LARP4: variants seen among roughly 807,000 people sequenced by gnomAD.
The protein encoded by LARP4 is la-related protein 4.
A neutral mutation model predicts 92.9 loss-of-function variants in LARP4; 29 were observed. The ratio of observed to expected loss-of-function variants is 0.31; its 90% CI spans 0.23 to 0.43. The LOEUF (loss-of-function observed/expected upper bound fraction) is 0.43, where lower values mean the gene tolerates loss of function less well. Ranked by LOEUF, LARP4 falls within the 20% of genes least tolerant of loss-of-function variation. LARP4 has a pLI of 1.00. For synonymous variants in LARP4, 279 were observed against 284.1 expected, an observed-to-expected ratio of 0.98 and a Z score of 0.18; for missense variants, 732 against 860.0, an observed-to-expected ratio of 0.85 and a Z score of 1.86.
intron 1 of LARP4, chr12:50,420,843 A>G (rs2136755585): frequency 6.6e-6 from 1 of 152,290 alleles, no homozygotes; most frequent in South Asian, 2.1e-4. Flanking sequence ...ATGAACAAAG[A>G]AAATGGTCAA....
intron 8 of LARP4, among the ~76,000 whole-genome samples, chr12:50,446,025 C>T (rs1288370909): frequency 6.4e-5 from 8 of 124,434 alleles, no homozygotes; most frequent in Non-Finnish European, 1.3e-4. Flanking sequence ...TTTTTTGAGA[C>T]GGAGTCTCGC....
At chr12:50,432,355 G>A (rs186535520) in intron 4 of LARP4, among the ~76,000 whole-genome samples, 14 of 152,276 alleles carry the variant, frequency 9.2e-5, no homozygotes, top group South Asian at 4.1e-4. Context: ...ATCAGGAACT[G>A]AGCTAGGTCA....
At chr12:50,474,207 T>A (rs768501850) in intron 15 of LARP4, 40 bp downstream of exon 15, 7 of 1,473,732 alleles carry the variant, frequency 4.7e-6, no homozygotes, top group South Asian at 2.5e-5. Context: ...AAAAATACAA[T>A]AGATTAGATT....
intron 1 of LARP4, among the ~76,000 whole-genome samples, chr12:50,408,567 G>C (rs890917556): frequency 1.3e-5 from 2 of 152,038 alleles, no homozygotes; most frequent in Non-Finnish European, 2.9e-5. Context: ...AGTAATGCAG[G>C]GTTTGTGTAA....
At position 50,478,906 on chromosome 12, in the gene LARP4, T is replaced by C. The variant is rs1455129372; in HGVS notation, c.*3042T>C. 1 of 152,198 alleles carries C rather than the reference T, an allele frequency of 6.6e-6. No individual in the cohort carries two copies. Among genetic ancestry groups the C allele is most frequent in the East Asian group, 1.9e-4 (1 of 5,206 alleles). 9.4% of individuals were successfully genotyped at this position (152,198 alleles called of 1,614,324 possible). A position where few individuals can be genotyped will look rare whatever the true frequency, so the allele number is the denominator to read the frequency against. On this transcript the variant is annotated 3_prime_UTR_variant, in exon 16 of 16. Transcript: ENST00000398473. Reference sequence around the variant, plus strand: ...TGATAAAGGTTTGTTGTAGTTGTCTTATGTGCTGAATTTGCAGATGATCAG... The same window carrying C: ...TGATAAAGGTTTGTTGTAGTTGTCTCATGTGCTGAATTTGCAGATGATCAG...
chr12:50,432,670 A>G (rs1949827779), intron 4 of LARP4, among the ~76,000 whole-genome samples: 1 of 151,732 alleles, frequency 6.6e-6, no homozygotes, highest in Non-Finnish European at 1.5e-5. Flanking sequence ...TATTAGCCTG[A>G]CCAACATGGT....
chr12:50,453,381 A>G, intron 8 of LARP4, 79 bp from the exon 9 acceptor site: 1 of 822,394 alleles, frequency 1.2e-6, no homozygotes, highest in Non-Finnish European at 2.0e-6. Context: ...CATGTAAAAT[A>G]TATGTTAAAA....
At chr12:50,468,772 T>G (rs375004043) in intron 13 of LARP4, among the ~76,000 whole-genome samples, 2 of 152,298 alleles carry the variant, frequency 1.3e-5, no homozygotes, top group African/African-American at 4.8e-5. Flanking sequence ...AAGGCATCCA[T>G]TATTTTCATA....
At chr12:50,426,457 G>A (rs1441339658) in intron 1 of LARP4, among the ~76,000 whole-genome samples, 1 of 152,148 alleles carries the variant, frequency 6.6e-6, no homozygotes, top group Non-Finnish European at 1.5e-5. Context: ...AGGCAGAGTG[G>A]TGGGAGAGTA....
At chr12:50,422,239 A>T (rs1269281926) in intron 1 of LARP4, among the ~76,000 whole-genome samples, 1 of 152,180 alleles carries the variant, frequency 6.6e-6, no homozygotes, top group Non-Finnish European at 1.5e-5. Flanking sequence ...TGCTGGGATT[A>T]CAGGCTTGAG....
chr12:50,437,033 C>T (rs1252551618), intron 5 of LARP4, among the ~76,000 whole-genome samples: 4 of 152,174 alleles, frequency 2.6e-5, no homozygotes, highest in Admixed American at 1.3e-4. Flanking sequence ...CAGAATCTCC[C>T]ACCTGTTTAG....
At chr12:50,442,778 C>T (rs1362071574) in intron 8 of LARP4, among the ~76,000 whole-genome samples, 1 of 152,166 alleles carries the variant, frequency 6.6e-6, no homozygotes, top group Non-Finnish European at 1.5e-5. Flanking sequence ...GGGTAACCTA[C>T]CTAGTTTCAC....
At chr12:50,426,725 GTGTGTGGTTTTTTTT>G (rs1948819438) in intron 1 of LARP4, among the ~76,000 whole-genome samples, 8 of 115,456 alleles carry the variant, frequency 6.9e-5, no homozygotes, top group African/African-American at 3.9e-4. Context: ...GTGTGTGTGT[GTGTGTGGTTTTTTTT>G]TTTTTTTTTT....
At chr12:50,461,372 C>A in intron 11 of LARP4, 25 bp downstream of exon 11, 3 of 1,586,280 alleles carry the variant, frequency 1.9e-6, no homozygotes, top group Non-Finnish European at 2.6e-6. Flanking sequence ...TACCTGAAAA[C>A]CTTTGATAAT....
rs1324837285 is a variant in LARP4 at position 50,479,162 on chromosome 12, A to C, written c.*3298A>C. The C allele has an allele frequency of 6.6e-6, 1 of 152,618 alleles. No individual in the cohort carries two copies. The highest frequency in any genetic ancestry group is 1.5e-5 in the Non-Finnish European group (1 of 68,022). The allele number at this position is 152,618 out of a possible 1,614,324, so 9.5% of individuals were successfully genotyped here. A position where few individuals can be genotyped will look rare whatever the true frequency, so the allele number is the denominator to read the frequency against. On this transcript the variant is annotated 3_prime_UTR_variant, in exon 16 of 16. Transcript: ENST00000398473. Reference sequence around the variant, plus strand: ...TCTAGTTTTCTTAGTTATGGCCTTAATAATTAGTCTCTTGGCTTAAATGTC... The same window carrying C: ...TCTAGTTTTCTTAGTTATGGCCTTACTAATTAGTCTCTTGGCTTAAATGTC...
chr12:50,466,303 G>A (rs921314566), intron 12 of LARP4, among the ~76,000 whole-genome samples: 2 of 152,054 alleles, frequency 1.3e-5, no homozygotes, highest in Non-Finnish European at 2.9e-5. Context: ...GTTTTCTCTT[G>A]AGATAAATAG....
In LARP4 at chr12:50,477,831, A is replaced by C. The variant is rs899610545; in HGVS notation, c.*1967A>C. The C allele has an allele frequency of 1.3e-5, 2 of 152,574 alleles. No individual in the cohort carries two copies. The highest frequency in any genetic ancestry group is 2.9e-5 in the Non-Finnish European group (2 of 67,956). 9.5% of individuals were successfully genotyped at this position (152,574 alleles called of 1,614,324 possible). ...GGGGAAGTTTAGGTCCTTTAAAAAA[A>C]CATATTAATCATTGACTACATCTAT... On this transcript the variant is annotated 3_prime_UTR_variant, in exon 16 of 16. Coordinates refer to ENST00000398473, the MANE Select transcript of LARP4 (RefSeq NM_052879.5).
chr12:50,472,607 A>G (rs961627294), intron 13 of LARP4, among the ~76,000 whole-genome samples: 6 of 151,552 alleles, frequency 4.0e-5, no homozygotes, highest in Non-Finnish European at 7.4e-5. Flanking sequence ...CAGCAGCTTC[A>G]ACCTCCCAGA....
chr12:50,425,933 G>A (rs965370301), intron 1 of LARP4, among the ~76,000 whole-genome samples: 1 of 152,032 alleles, frequency 6.6e-6, no homozygotes, highest in Non-Finnish European at 1.5e-5. Context: ...CGGATTCCAG[G>A]GTTACAAATA....
Sources: gnomAD v4.1 joint callset for allele counts (sites outside exome capture counted in the v4.1 genomes callset) on GRCh38, gnomAD v4.1.1 for gene constraint, MANE v1.5 for transcripts, NCBI Gene and HGNC (gene_info 2026-07-23, HGNC 2026-07-21) for gene names.